Variants in CNNM4 observed in about 807,000 individuals in gnomAD.
CNNM4 encodes cyclin and CBS domain divalent metal cation transport mediator 4, also known as metal transporter CNNM4.
In CNNM4, 32 loss-of-function variants were observed where a neutral mutation model predicts 53.7. The ratio of observed to expected loss-of-function variants is 0.60; its 90% CI spans 0.45 to 0.80. CNNM4 has a LOEUF of 0.80. CNNM4 is among the 30% of genes least tolerant of loss of function. The probability of loss-of-function intolerance (pLI) is 0.00; values close to 1 mark genes in which losing one functional copy is unlikely to be tolerated. For synonymous variants in CNNM4, 410 were observed against 440.0 expected (o/e 0.93, Z 0.85); for missense variants, 784 against 1,022.0 (o/e 0.77, Z 3.17).
chr2:96,761,674 G>T lies in CNNM4; in HGVS notation c.675G>T (p.Glu225Asp). ...RIVQNCGTEK[E>D]RRYARKIEPI... ...TGCAGAACTGTGGCACCGAGAAGGA[G>T]AGGCGCTATGCCCGCAAGATTGAGC... is the stretch of plus-strand genomic sequence containing the variant. Residue 225 changes from glutamate (E) to aspartate (D), a missense_variant, in exon 1 of 7, where the codon GAG becomes GAT. Glu to Asp is a conservative substitution (Grantham distance 45). Around this residue, in one of 3 missense-constraint regions of CNNM4, gnomAD observed 473 missense variants for 624.6 expected, o/e 0.76. Transcript: ENST00000377075. This position sits in a 1 kb window ranked among gnomAD's most constrained non-coding sequence, Gnocchi z 6.0. The T allele has an allele frequency of 6.2e-7, 1 of 1,610,926 alleles. No homozygotes were observed.
intron 1 of CNNM4, among the ~76,000 whole-genome samples, chr2:96,779,423 T>A (rs1191780746): frequency 6.6e-6 from 1 of 150,854 alleles, no homozygotes; most frequent in Non-Finnish European, 1.5e-5. Context: ...GTGGGAGGGT[T>A]GTTTGAGCCT....
chr2:96,797,694 G>A lies in CNNM4; in HGVS notation c.1681+47G>A. 1 of 1,609,652 alleles carries A rather than the reference G, an allele frequency of 6.2e-7. No homozygotes were observed. The highest frequency in any genetic ancestry group is 2.2e-5 in the East Asian group (1 of 44,858). On this transcript the variant is annotated intron_variant, in intron 3 of 6. Coordinates refer to ENST00000377075, the MANE Select transcript of CNNM4 (RefSeq NM_020184.4). The surrounding 1 kb of genome is among the most constrained non-coding windows in gnomAD (Gnocchi z 6.0). ...GGTCTTGGTGGAAATACGGTCACGGGGGAGAAGTCCTGGGTTTCCGGCTGC... is the reference window on the plus strand; with the variant it reads ...GGTCTTGGTGGAAATACGGTCACGGAGGAGAAGTCCTGGGTTTCCGGCTGC...
intron 1 of CNNM4, among the ~76,000 whole-genome samples, chr2:96,777,504 A>G (rs1196830504): frequency 6.6e-6 from 1 of 152,034 alleles, no homozygotes; most frequent in African/African-American, 2.4e-5. Context: ...GTGCGCCACC[A>G]CACCTGGCTA....
intron 5 of CNNM4, among the ~76,000 whole-genome samples, chr2:96,803,476 A>G (rs181186033): frequency 6.6e-6 from 1 of 152,102 alleles, no homozygotes; most frequent in Non-Finnish European, 1.5e-5. Flanking sequence ...TGTAATCCCA[A>G]CACTTTGGGA....
At chr2:96,803,009 G>A (rs1187984056) in intron 5 of CNNM4, among the ~76,000 whole-genome samples, 2 of 152,148 alleles carry the variant, frequency 1.3e-5, no homozygotes, top group East Asian at 1.9e-4. Context: ...ACCTCAGCCC[G>A]GGGATATCCA....
At position 96,761,522 on chromosome 2, in the gene CNNM4, G is replaced by A. The variant is rs2078762653; in HGVS notation, c.523G>A (p.Glu175Lys). The change falls in exon 1 of 7, where the codon GAG becomes AAG. Residue 175 changes from glutamate (E) to lysine (K), a missense_variant. Around this residue, in one of 3 missense-constraint regions of CNNM4, gnomAD observed 473 missense variants for 624.6 expected, o/e 0.76. Transcript: ENST00000377075. This position sits in a 1 kb window ranked among gnomAD's most constrained non-coding sequence, Gnocchi z 6.0. Reference protein sequence around the residue: ...DKDSLLFMVEEPGRFLPLWLH... With the variant: ...DKDSLLFMVEKPGRFLPLWLH... ...GGACTCACTGCTCTTCATGGTGGAG[G>A]AGCCTGGGAGGTTCCTGCCTCTCTG... The A allele has an allele frequency of 3.1e-6, 5 of 1,614,048 alleles. No individual in the cohort carries two copies. The highest frequency in any genetic ancestry group is 4.2e-6 in the Non-Finnish European group (5 of 1,179,948).
Position 96,809,581 on chromosome 2 carries a change from A to AGGGAACCT in CNNM4, c.*66_*73dup. 7.0e-7 allele frequency: 1 copy of AGGGAACCT among 1,424,672 alleles called. No homozygotes were observed. Among genetic ancestry groups the AGGGAACCT allele is most frequent in the Non-Finnish European group, 9.9e-7 (1 of 1,011,808 alleles). The allele number at this position is 1,424,672 out of a possible 1,614,324, so 88.3% of individuals were successfully genotyped here. A position where few individuals can be genotyped will look rare whatever the true frequency, so the allele number is the denominator to read the frequency against. On this transcript the variant is annotated 3_prime_UTR_variant, in exon 7 of 7. Transcript: ENST00000377075. ...CTCCCCAGTGGGCCCACATGAAGAG[A>AGGGAACCT]GGGAACCTGTTAGTCCAGAAAGGAT...
Position 96,777,028 on chromosome 2 carries a change from T to G in CNNM4, c.1402+14627T>G, listed in dbSNP as rs531538418. Among the ~76,000 whole-genome samples, 86 of 152,292 alleles carry G rather than the reference T, an allele frequency of 5.6e-4. 1 individual carries two copies. Among genetic ancestry groups the G allele is most frequent in the Middle Eastern group, 6.8e-3 (2 of 294 alleles). ...TTGTGTCTTAACTGTTTTCTTTTTT[T>G]TTTGTTTTTGAGACGGAGTCTCACT... On this transcript the variant is annotated intron_variant, in intron 1 of 6. Transcript: ENST00000377075.
intron 1 of CNNM4, among the ~76,000 whole-genome samples, chr2:96,786,595 A>G (rs1254764028): frequency 2.6e-5 from 4 of 151,976 alleles, no homozygotes; most frequent in African/African-American, 9.7e-5. Context: ...CCTGGCCAAC[A>G]TGGTGAAACC....
chr2:96,778,011 C>G (rs1021259572), intron 1 of CNNM4, among the ~76,000 whole-genome samples: 1 of 151,342 alleles, frequency 6.6e-6, no homozygotes, highest in African/African-American at 2.4e-5. Flanking sequence ...GGATCACAGG[C>G]ACATGCTACC....
intron 1 of CNNM4, among the ~76,000 whole-genome samples, chr2:96,777,672 T>C (rs1185606156): frequency 1.3e-5 from 2 of 152,178 alleles, no homozygotes; most frequent in Non-Finnish European, 2.9e-5. Context: ...GGCTAATTTT[T>C]TATATTTTTG....
intron 1 of CNNM4, among the ~76,000 whole-genome samples, chr2:96,768,158 G>T (rs1574053074): frequency 6.6e-6 from 1 of 152,076 alleles, no homozygotes; most frequent in Non-Finnish European, 1.5e-5. Context: ...TTTTATTCCC[G>T]CAACAACTTT....
chr2:96,801,958 C>T lies in CNNM4; in HGVS notation c.1948+2310C>T, dbSNP rs2079163390. On this transcript the variant is annotated intron_variant, in intron 5 of 6. Transcript: ENST00000377075. This position sits in a 1 kb window ranked among gnomAD's most constrained non-coding sequence, Gnocchi z 5.6. ...AAACACACACCCATAGGCACACACC[C>T]ATAGGCACACACACAAAGAGACACA... Among the ~76,000 whole-genome samples the T allele has an allele frequency of 1.3e-5, 2 of 150,706 alleles. No homozygotes were observed. Among genetic ancestry groups the T allele is most frequent in the African/African-American group, 4.9e-5 (2 of 40,940 alleles).
chr2:96,807,934 G>A (rs1218888008), intron 5 of CNNM4, among the ~76,000 whole-genome samples: 4 of 152,028 alleles, frequency 2.6e-5, no homozygotes, highest in Non-Finnish European at 5.9e-5. Flanking sequence ...TGTCACCCAA[G>A]CTGGAGTGCA....
chr2:96,804,146 C>G (rs1375985517), intron 5 of CNNM4, among the ~76,000 whole-genome samples: 1 of 151,894 alleles, frequency 6.6e-6, no homozygotes, highest in Non-Finnish European at 1.5e-5. Flanking sequence ...TCCCCCACCT[C>G]AGCCTCTCAA....
intron 5 of CNNM4, among the ~76,000 whole-genome samples, chr2:96,804,808 T>G (rs2079187635): frequency 6.6e-6 from 1 of 151,934 alleles, no homozygotes; most frequent in Admixed American, 6.5e-5. Flanking sequence ...AGTGCTGGGA[T>G]TACGGGTGTG....
At position 96,767,529 on chromosome 2, in the gene CNNM4, C is replaced by T. The variant is rs2078829840; in HGVS notation, c.1402+5128C>T. The stretch of plus-strand genomic sequence containing the variant: ...GAAGAGGGCAGAGCTCTGCACCCCC[C>T]TTGCAGCCCACCTTCCAGCTTCTAG... On this transcript the variant is annotated intron_variant, in intron 1 of 6. Coordinates refer to ENST00000377075, the MANE Select transcript of CNNM4 (RefSeq NM_020184.4). Among the ~76,000 whole-genome samples, 5 of 152,320 alleles carry T rather than the reference C, an allele frequency of 3.3e-5. No homozygotes were observed. In the South Asian group the frequency reaches 1.0e-3, roughly 32 times the overall value.
rs946792388 is a variant in CNNM4, at chr2:96,779,117, C to T, written c.1402+16716C>T. Among the ~76,000 whole-genome samples the T allele has an allele frequency of 3.9e-5, 6 of 152,202 alleles. No homozygotes were observed. The East Asian group carries it at 5.8e-4, about 15-fold the overall frequency. On this transcript the variant is annotated intron_variant, in intron 1 of 6. Coordinates refer to ENST00000377075, the MANE Select transcript of CNNM4 (RefSeq NM_020184.4). ...GACTATAGGCGCCTGCCACCATGCC[C>T]GGCTAATTTTTTGCATTTTTTCAGT...
Position 96,762,070 on chromosome 2 carries a change from G to A in CNNM4, c.1071G>A (p.Glu357=), listed in dbSNP as rs775538413. The change falls in exon 1 of 7, where the codon GAG becomes GAA. Residue 357 remains glutamate, a synonymous_variant. Transcript: ENST00000377075. The part of the protein sequence containing the change: ...VTEPYNDLVK[E]ELNMIQGALE... ...AGCCCTATAATGACCTCGTGAAAGA[G>A]GAGCTCAATATGATCCAGGGTGCCC... is the stretch of plus-strand genomic sequence containing the variant. 6.2e-7 allele frequency: 1 copy of A among 1,614,122 alleles called. No individual in the cohort carries two copies. Among genetic ancestry groups the A allele is most frequent in the Non-Finnish European group, 8.5e-7 (1 of 1,180,036 alleles).
Sources: gnomAD v4.1 joint callset for allele counts (sites outside exome capture counted in the v4.1 genomes callset) on GRCh38, gnomAD v4.1.1 for gene constraint, gnomAD v4.1.1 regional missense constraint, Gnocchi (gnomAD v3.1) non-coding constraint, MANE v1.5 for transcripts, NCBI Gene and HGNC (gene_info 2026-07-23, HGNC 2026-07-21) for gene names.